The following LONP2 variants were observed in gnomAD, a reference collection of about 807,000 sequenced individuals.
LONP2 encodes the protein lon protease homolog 2, peroxisomal.
LONP2 carries 60 observed loss-of-function variants against 85.6 expected under a neutral mutation model. The observed-to-expected ratio is 0.70, with a 90% CI of 0.57 to 0.87. LONP2 has a LOEUF of 0.87. Among genes scored for constraint, LONP2 ranks in the 40% least tolerant of loss-of-function variants. The pLI is 0.00. For synonymous variants in LONP2, 395 were observed against 389.7 expected (o/e 1.01, Z -0.16); for missense variants, 860 against 1,063.5 (o/e 0.81, Z 2.66).
At chr16:48,359,963 G>A (rs1381285205), downstream of LONP2, among the ~76,000 whole-genome samples, 8 of 152,206 alleles carry the variant, frequency 5.3e-5, no homozygotes, top group Admixed American at 5.2e-4. Flanking sequence ...ATCTTGCCAT[G>A]TGCCTCAAAG....
chr16:48,270,489 A>G (rs1041487581), intron 7 of LONP2, among the ~76,000 whole-genome samples: 26 of 152,314 alleles, frequency 1.7e-4, no homozygotes, highest in African/African-American at 6.0e-4. Flanking sequence ...GACAGTGGAT[A>G]CTACTCTGTG....
intron 7 of LONP2, among the ~76,000 whole-genome samples, chr16:48,273,835 T>C (rs962197178): frequency 2.0e-5 from 3 of 152,176 alleles, no homozygotes; most frequent in African/African-American, 7.2e-5. Context: ...AGAAATACTT[T>C]ACCAGCTGTT....
intron 7 of LONP2, among the ~76,000 whole-genome samples, chr16:48,271,957 A>G (rs1972114785): frequency 6.6e-6 from 1 of 152,210 alleles, no homozygotes; most frequent in Non-Finnish European, 1.5e-5. Context: ...TCTAGGGCCT[A>G]AATCTTCTAA....
rs150763226 is a variant in LONP2 at position 48,307,535 on chromosome 16, TTTATA to T, written c.1795+4236_1795+4240del. The stretch of plus-strand genomic sequence containing the variant: ...AAAAATTATCCTAAGCAAAGAAGGA[TTTATA>T]TTATAATCAGTCCTTATAAAGTTTC... On this transcript the variant is annotated intron_variant, in intron 11 of 14. Coordinates refer to ENST00000285737, the MANE Select transcript of LONP2 (RefSeq NM_031490.5). Among the ~76,000 whole-genome samples the T allele has an allele frequency of 4.1e-4, 62 of 152,324 alleles. 1 individual carries two copies. Among genetic ancestry groups the T allele is most frequent in the African/African-American group, 1.4e-3 (58 of 41,582 alleles).
intron 2 of LONP2, among the ~76,000 whole-genome samples, chr16:48,252,612 GTC>G (rs1971678563): frequency 2.6e-5 from 4 of 152,148 alleles, no homozygotes; most frequent in Admixed American, 2.0e-4. Flanking sequence ...AACTTCTACT[GTC>G]TCTAAACTAG....
At chr16:48,339,436 G>T (rs1959752255) in intron 12 of LONP2, among the ~76,000 whole-genome samples, 1 of 152,222 alleles carries the variant, frequency 6.6e-6, no homozygotes, top group African/African-American at 2.4e-5. Flanking sequence ...GGAGTATGTT[G>T]AAGAGAGAAT....
intron 11 of LONP2, among the ~76,000 whole-genome samples, chr16:48,316,679 A>G (rs1973154155): frequency 6.6e-6 from 1 of 152,098 alleles, no homozygotes; most frequent in Admixed American, 6.5e-5. Context: ...GATATTTTCT[A>G]TCTTTTTATC....
chr16:48,332,295 G>T (rs572662805), intron 11 of LONP2, among the ~76,000 whole-genome samples: 58 of 152,310 alleles, frequency 3.8e-4, no homozygotes, highest in African/African-American at 1.4e-3. Context: ...TAGATATATT[G>T]CTGGACGTGG....
Position 48,312,361 on chromosome 16 carries a change from CT to C in LONP2, c.1795+9066del, listed in dbSNP as rs529252021. Among the ~76,000 whole-genome samples, 624 of 147,368 alleles carry C rather than the reference CT, an allele frequency of 4.2e-3. 3 individuals are homozygous for C. Among genetic ancestry groups the C allele is most frequent in the Non-Finnish European group, 6.3e-3 (420 of 66,534 alleles). ...TGTTTCTCTGGGGGTGTCATAGCAC[CT>C]TTTTTTTTTCATATTTCCAATATTA... On this transcript the variant is annotated intron_variant, in intron 11 of 14. Coordinates refer to ENST00000285737, the MANE Select transcript of LONP2 (RefSeq NM_031490.5).
At chr16:48,277,522 G>T (rs754128439) in intron 8 of LONP2, 43 bp downstream of exon 8, 2 of 1,589,440 alleles carry the variant, frequency 1.3e-6, no homozygotes, top group Non-Finnish European at 1.7e-6. Context: ...TACTGGAAGA[G>T]TATGGAGGAG....
intron 8 of LONP2, among the ~76,000 whole-genome samples, chr16:48,290,039 T>G (rs1024900245): frequency 2.0e-5 from 3 of 152,230 alleles, no homozygotes; most frequent in African/African-American, 7.2e-5. Flanking sequence ...AATCTAAATC[T>G]TTTCAATCTA....
intron 11 of LONP2, among the ~76,000 whole-genome samples, chr16:48,332,847 G>T (rs1274633401): frequency 6.6e-6 from 1 of 152,220 alleles, no homozygotes; most frequent in Non-Finnish European, 1.5e-5. Context: ...GGCAGAGGTT[G>T]CAGTGAGCCG....
intron 8 of LONP2, among the ~76,000 whole-genome samples, chr16:48,285,509 G>A (rs906871971): frequency 6.6e-6 from 1 of 151,932 alleles, no homozygotes; most frequent in Non-Finnish European, 1.5e-5. Context: ...TCTCTAAAGT[G>A]CTGTTCACTT....
At position 48,362,660 on chromosome 16, in the gene LONP2, A is replaced by C; in HGVS notation, c.*797A>C. ...GCTCTCTTTTCAAAATGTTCCGGAA[A>C]ACATGTGGAACTCCCTTAATCGTCT... On this transcript the variant is annotated 3_prime_UTR_variant, in exon 5 of 5. Transcript: ENST00000565867. The surrounding 1 kb of genome is among the most constrained non-coding windows in gnomAD (Gnocchi z 4.2). 2.0e-6 allele frequency: 1 copy of C among 492,352 alleles called. No homozygotes were observed. The highest frequency in any genetic ancestry group is 2.5e-5 in the South Asian group (1 of 40,598). The allele number at this position is 492,352 out of a possible 1,614,324, so 30.5% of individuals were successfully genotyped here.
rs1567347431 is a variant in LONP2, at chr16:48,334,199, A to C, written c.1796-17A>C. On this transcript the variant is annotated splice_polypyrimidine_tract_variant and intron_variant, in intron 11 of 14. Transcript: ENST00000285737. ...CAAATCTCTTAGAACTTCTAAATACATTTTTTTTTCTTTTAGGTTGCAGAG... is the reference window on the plus strand; with the variant it reads ...CAAATCTCTTAGAACTTCTAAATACCTTTTTTTTTCTTTTAGGTTGCAGAG... 6.3e-7 allele frequency: 1 copy of C among 1,596,364 alleles called. No homozygotes were observed. Among genetic ancestry groups the C allele is most frequent in the Non-Finnish European group, 8.6e-7 (1 of 1,168,252 alleles).
rs1567359066 is a variant in LONP2 at position 48,354,757 on chromosome 16, G to A, written c.*2955G>A. On this transcript the variant is annotated 3_prime_UTR_variant, in exon 15 of 15. Coordinates refer to ENST00000285737, the MANE Select transcript of LONP2 (RefSeq NM_031490.5). ...GTGTCCTCCAGAAAAGAAAGATCTG[G>A]AGGGTCAGGCCACTCTTTTTCTTCA... is the stretch of plus-strand genomic sequence containing the variant. The A allele has an allele frequency of 6.6e-6, 1 of 152,182 alleles. No individual in the cohort carries two copies. The highest frequency in any genetic ancestry group is 6.5e-5 in the Admixed American group (1 of 15,282). 9.4% of individuals were successfully genotyped at this position (152,182 alleles called of 1,614,324 possible). A position where few individuals can be genotyped will look rare whatever the true frequency, so the allele number is the denominator to read the frequency against.
At chr16:48,304,889 A>G (rs762351759) in intron 11 of LONP2, among the ~76,000 whole-genome samples, 5 of 152,202 alleles carry the variant, frequency 3.3e-5, no homozygotes, top group African/African-American at 4.8e-5. Context: ...TATCATTTCC[A>G]TAGCTGTTTC....
chr16:48,268,443 C>T (rs1972036106), intron 6 of LONP2, among the ~76,000 whole-genome samples: 1 of 152,170 alleles, frequency 6.6e-6, no homozygotes, highest in Non-Finnish European at 1.5e-5. Flanking sequence ...GAAACTTACT[C>T]TTCTTGAACA....
chr16:48,339,858 T>C (rs1277331655), intron 12 of LONP2, among the ~76,000 whole-genome samples: 1 of 152,174 alleles, frequency 6.6e-6, no homozygotes, highest in Non-Finnish European at 1.5e-5. Flanking sequence ...ATGATGGGAA[T>C]GTGCTGGAGT....
Sources: allele counts gnomAD v4.1 joint callset (sites outside exome capture counted in the v4.1 genomes callset), GRCh38; gene constraint gnomAD v4.1.1; non-coding constraint Gnocchi (gnomAD v3.1); transcripts MANE v1.5; gene names NCBI Gene and HGNC (gene_info 2026-07-23, HGNC 2026-07-21).